Variants in C12orf42 observed in about 807,000 individuals in gnomAD.
C12orf42 encodes the protein chromosome 12 open reading frame 42, also known as uncharacterized protein C12orf42.
A neutral mutation model predicts 21.6 loss-of-function variants in C12orf42; 25 were observed. The ratio of observed to expected loss-of-function variants is 1.16; its 90% CI spans 0.84 to 1.62. The LOEUF is 1.62. Ranked by LOEUF, C12orf42 falls within the 40% of genes most tolerant of loss-of-function variation. C12orf42 has a pLI of 0.00. For missense variants in C12orf42, 483 were observed against 459.3 expected, an observed-to-expected ratio of 1.05 and a Z score of -0.47; for synonymous variants, 174 against 175.0, an observed-to-expected ratio of 0.99 and a Z score of 0.05.
chr12:103,490,302 C>T (rs1430085546), intron 1 of C12orf42, among the ~76,000 whole-genome samples: 1 of 152,180 alleles, frequency 6.6e-6, no homozygotes, highest in Non-Finnish European at 1.5e-5. Context: ...CTCATAAATG[C>T]ATCTTACAAT....
the C12orf42 span, among the ~76,000 whole-genome samples, chr12:103,098,304 T>C: frequency 6.6e-6 from 1 of 152,068 alleles, no homozygotes; most frequent in East Asian, 1.9e-4. Flanking sequence ...CTAGGCATCA[T>C]TTTTTTAATG....
At chr12:103,326,386 G>A (rs1009668744) in intron 4 of C12orf42, among the ~76,000 whole-genome samples, 1 of 152,206 alleles carries the variant, frequency 6.6e-6, no homozygotes, top group African/African-American at 2.4e-5. Context: ...CCACCAGGGG[G>A]ATCCTTTTAA....
chr12:103,514,368 G>T, the C12orf42 span, among the ~76,000 whole-genome samples: 1 of 152,154 alleles, frequency 6.6e-6, no homozygotes, highest in Non-Finnish European at 1.5e-5. Flanking sequence ...ATTTGAGCAG[G>T]AACTGGAAGA....
chr12:103,374,551 G>A (rs926370454), intron 3 of C12orf42, among the ~76,000 whole-genome samples: 1 of 152,126 alleles, frequency 6.6e-6, no homozygotes, highest in Non-Finnish European at 1.5e-5. Flanking sequence ...ATCTGTATTT[G>A]TGAGATGAGG....
the C12orf42 span, among the ~76,000 whole-genome samples, chr12:103,118,489 A>C: frequency 6.6e-6 from 1 of 152,240 alleles, no homozygotes; most frequent in Non-Finnish European, 1.5e-5. Flanking sequence ...CTCTTTAAGC[A>C]CCTGAAACTA....
the C12orf42 span, among the ~76,000 whole-genome samples, chr12:103,224,977 G>A: frequency 1.3e-5 from 2 of 152,170 alleles, no homozygotes; most frequent in Non-Finnish European, 2.9e-5. Flanking sequence ...GAATTATGCC[G>A]AGATAGGTAA....
Position 103,370,721 on chromosome 12 carries a change from C to T in C12orf42, c.148-1723G>A, listed in dbSNP as rs79484315. 3.3e-3 allele frequency among the ~76,000 whole-genome samples: 504 copies of T among 152,044 alleles called. 3 individuals carry two copies. The highest frequency in any genetic ancestry group is 6.8e-3 in the Middle Eastern group (2 of 294). On this transcript the variant is annotated intron_variant, in intron 3 of 5. Coordinates refer to ENST00000548883, the MANE Select transcript of C12orf42 (RefSeq NM_198521.5). ...AGAAGGGAAACAAGAGGCACTAGGG[C>T]CTACTTGAGGGTGGAGTGGAGGAGG...
chr12:103,335,249 T>G (rs1407793516), intron 4 of C12orf42, among the ~76,000 whole-genome samples: 1 of 152,228 alleles, frequency 6.6e-6, no homozygotes, highest in East Asian at 1.9e-4. Context: ...GTATAAATTA[T>G]AGTATTAACA....
the C12orf42 span, among the ~76,000 whole-genome samples, chr12:103,113,681 GTGT>G: frequency 6.6e-6 from 1 of 152,192 alleles, no homozygotes; most frequent in East Asian, 1.9e-4. Context: ...CCAGGCCAAA[GTGT>G]CAATGGTGCT....
the C12orf42 span, among the ~76,000 whole-genome samples, chr12:103,226,963 T>G: frequency 6.6e-6 from 1 of 152,176 alleles, no homozygotes; most frequent in Non-Finnish European, 1.5e-5. Context: ...ATTTAGATTT[T>G]GCAGGATGGA....
At chr12:103,248,584 C>T (rs1297697741) in intron 10 of C12orf42, among the ~76,000 whole-genome samples, 1 of 151,876 alleles carries the variant, frequency 6.6e-6, no homozygotes, top group Non-Finnish European at 1.5e-5. Context: ...ATATTTCTGA[C>T]CCCTTTGAAA....
chr12:103,431,629 C>G (rs1950272881), intron 2 of C12orf42, among the ~76,000 whole-genome samples: 1 of 152,142 alleles, frequency 6.6e-6, no homozygotes, highest in Non-Finnish European at 1.5e-5. Context: ...ACAATATACA[C>G]ATATACATTA....
intron 2 of C12orf42, among the ~76,000 whole-genome samples, chr12:103,437,847 T>C (rs1235684526): frequency 1.4e-5 from 2 of 138,554 alleles, no homozygotes; most frequent in Non-Finnish European, 3.1e-5. Flanking sequence ...GCTGGTACCA[T>C]TCCTTCTGAA....
Position 103,305,829 on chromosome 12 carries a change from T to G in C12orf42, c.631+145A>C, listed in dbSNP as rs547243341. Reference sequence around the variant, plus strand: ...TGCTTGACAACAAGCAGACTTTCATTGAAGACTGGCTACTACAGTTCTTAC... The same window carrying G: ...TGCTTGACAACAAGCAGACTTTCATGGAAGACTGGCTACTACAGTTCTTAC... On this transcript the variant is annotated intron_variant, in intron 5 of 5. Coordinates refer to ENST00000548883, the MANE Select transcript of C12orf42 (RefSeq NM_198521.5). The G allele has an allele frequency of 5.2e-5, 53 of 1,015,322 alleles. No individual in the cohort carries two copies. The East Asian group carries it at 1.2e-3, about 24-fold the overall frequency. The allele number at this position is 1,015,322 out of a possible 1,614,324, so 62.9% of individuals were successfully genotyped here. A position where few individuals can be genotyped will look rare whatever the true frequency, so the allele number is the denominator to read the frequency against.
the C12orf42 span, among the ~76,000 whole-genome samples, chr12:103,068,543 G>T: frequency 6.6e-6 from 1 of 152,006 alleles, no homozygotes; most frequent in Non-Finnish European, 1.5e-5. Flanking sequence ...TTGATCCTGG[G>T]TGTGTCTGTG....
intron 5 of C12orf42, 37 bp from the exon 6 acceptor site, chr12:103,302,596 G>T: frequency 1.3e-6 from 2 of 1,547,542 alleles, no homozygotes; most frequent in East Asian, 2.3e-5. Flanking sequence ...CAGAGATGAG[G>T]CTCAAGCGTG....
chr12:103,221,058 C>A, the C12orf42 span, among the ~76,000 whole-genome samples: 1 of 152,226 alleles, frequency 6.6e-6, no homozygotes, highest in African/African-American at 2.4e-5. Flanking sequence ...GTAGTTTTAA[C>A]ATCTTCAGCA....
chr12:103,524,451 C>G, the C12orf42 span, among the ~76,000 whole-genome samples: 1 of 152,274 alleles, frequency 6.6e-6, no homozygotes, highest in Non-Finnish European at 1.5e-5. Flanking sequence ...ACCAGAGAGA[C>G]CTGCTTCCCA....
chr12:103,126,060 C>T, the C12orf42 span, among the ~76,000 whole-genome samples: 5 of 152,260 alleles, frequency 3.3e-5, no homozygotes, highest in Non-Finnish European at 7.4e-5. Flanking sequence ...GGTATTCCTG[C>T]GCTGCCTTCA....
Sources: allele counts gnomAD v4.1 joint callset (sites outside exome capture counted in the v4.1 genomes callset), GRCh38; gene constraint gnomAD v4.1.1; transcripts MANE v1.5; gene names NCBI Gene and HGNC (gene_info 2026-07-23, HGNC 2026-07-21).